The following CAND1 variants were observed in gnomAD, a reference collection of about 807,000 sequenced individuals.
CAND1 encodes cullin associated and neddylation dissociated 1, also known as cullin-associated NEDD8-dissociated protein 1.
CAND1 carries 7 observed loss-of-function variants against 108.5 expected under a neutral mutation model. The ratio of observed to expected loss-of-function variants is 0.06; its 90% CI spans 0.04 to 0.12. The LOEUF (loss-of-function observed/expected upper bound fraction) is 0.12. Among genes scored for constraint, CAND1 ranks in the 10% least tolerant of loss-of-function variants. CAND1 has a pLI of 1.00. For synonymous variants in CAND1, 534 were observed against 512.0 expected, an observed-to-expected ratio of 1.04 and a Z score of -0.58; for missense variants, 941 against 1,448.7, an observed-to-expected ratio of 0.65 and a Z score of 5.69.
intron 7 of CAND1, 76 bp from the exon 8 acceptor site, chr12:67,302,247 A>C: frequency 2.9e-5 from 37 of 1,291,544 alleles, no homozygotes; most frequent in Non-Finnish European, 3.7e-5. Context: ...GGTTAAGAAT[A>C]TCAATTGATT....
chr12:67,294,398 T>G (rs1262091906), intron 3 of CAND1, among the ~76,000 whole-genome samples: 2 of 152,202 alleles, frequency 1.3e-5, no homozygotes, highest in Non-Finnish European at 2.9e-5. Context: ...GCTGATTTTT[T>G]TTTTTAAAGA....
At chr12:67,295,848 G>T (rs779060487) in intron 4 of CAND1, among the ~76,000 whole-genome samples, 4 of 152,112 alleles carry the variant, frequency 2.6e-5, no homozygotes, top group African/African-American at 9.7e-5. Flanking sequence ...CTTTACGATA[G>T]GACATAAGAA....
chr12:67,285,538 T>TC (rs1018597885), intron 2 of CAND1, among the ~76,000 whole-genome samples: 7 of 152,126 alleles, frequency 4.6e-5, no homozygotes, highest in Non-Finnish European at 1.5e-5. Flanking sequence ...ATATTATGTC[T>TC]CTATAATCAA....
At chr12:67,307,277 T>C (rs1437055153) in intron 10 of CAND1, 120 bp from the exon 11 acceptor site, 13 of 700,244 alleles carry the variant, frequency 1.9e-5, no homozygotes, top group Non-Finnish European at 3.0e-5. Context: ...AATACCCTTC[T>C]TGGCCAAGGA....
chr12:67,314,561 T>G lies in CAND1; in HGVS notation c.*1731T>G, dbSNP rs1431110654. ...TGTGGTATAGATGTTGTGGATATAT[T>G]TAAGTATTTGGTTACATGGTTTTAC... On this transcript the variant is annotated 3_prime_UTR_variant, in exon 15 of 15. Coordinates refer to ENST00000545606, the MANE Select transcript of CAND1 (RefSeq NM_018448.5). 6.6e-6 allele frequency: 1 copy of G among 152,214 alleles called. No individual in the cohort carries two copies. Among genetic ancestry groups the G allele is most frequent in the Non-Finnish European group, 1.5e-5 (1 of 68,036 alleles). The allele number at this position is 152,214 out of a possible 1,614,324, so 9.4% of individuals were successfully genotyped here. A position where few individuals can be genotyped will look rare whatever the true frequency, so the allele number is the denominator to read the frequency against.
In CAND1 at chr12:67,314,031, T is replaced by G. The variant is rs977509007; in HGVS notation, c.*1201T>G. ...CAGTACCTTATATTGTAGTTAAAAT[T>G]TTATTTAACATATCCTTCAGTGAGC... On this transcript the variant is annotated 3_prime_UTR_variant, in exon 15 of 15. Coordinates refer to ENST00000545606, the MANE Select transcript of CAND1 (RefSeq NM_018448.5). 1 of 152,564 alleles carries G rather than the reference T, an allele frequency of 6.6e-6. No homozygotes were observed. The highest frequency in any genetic ancestry group is 2.4e-5 in the African/African-American group (1 of 41,446). 9.5% of individuals were successfully genotyped at this position (152,564 alleles called of 1,614,324 possible).
rs1049193871 is a variant in CAND1 at position 67,313,497 on chromosome 12, A to G, written c.*667A>G. 3 of 152,626 alleles carry G rather than the reference A, an allele frequency of 2.0e-5. No homozygotes were observed. Among genetic ancestry groups the G allele is most frequent in the African/African-American group, 4.8e-5 (2 of 41,464 alleles). 9.5% of individuals were successfully genotyped at this position (152,626 alleles called of 1,614,324 possible). A position where few individuals can be genotyped will look rare whatever the true frequency, so the allele number is the denominator to read the frequency against. On this transcript the variant is annotated 3_prime_UTR_variant, in exon 15 of 15. Coordinates refer to ENST00000545606, the MANE Select transcript of CAND1 (RefSeq NM_018448.5). ...GATTATTCATAATATAGAAGTTAAA[A>G]TAAGTATTAGTGCAATTTTCAGATA...
chr12:67,302,214 C>T lies in CAND1; in HGVS notation c.1001-109C>T, dbSNP rs541469351. 114 of 958,528 alleles carry T rather than the reference C, an allele frequency of 1.2e-4. No homozygotes were observed. The South Asian group carries it at 1.2e-3, about 10-fold the overall frequency. The allele number at this position is 958,528 out of a possible 1,614,324, so 59.4% of individuals were successfully genotyped here. On this transcript the variant is annotated intron_variant, in intron 7 of 14. Transcript: ENST00000545606. ...ACCTACCTGTTGCTGTATATGTTAC[C>T]GGAAAGTTAGATTAACTGATTTGGT...
chr12:67,273,704 T>C (rs555282099), intron 1 of CAND1, among the ~76,000 whole-genome samples: 31 of 152,156 alleles, frequency 2.0e-4, no homozygotes, highest in African/African-American at 6.5e-4. Context: ...CTCAAACTCT[T>C]GATTTCCGGC....
At chr12:67,277,083 T>C (rs1430682284) in intron 1 of CAND1, among the ~76,000 whole-genome samples, 5 of 152,220 alleles carry the variant, frequency 3.3e-5, no homozygotes, top group Admixed American at 3.3e-4. Flanking sequence ...TACCCAGTCT[T>C]GTGGTTTTCC....
At chr12:67,294,736 C>G (rs1024198720) in intron 3 of CAND1, among the ~76,000 whole-genome samples, 7 of 152,108 alleles carry the variant, frequency 4.6e-5, no homozygotes, top group Non-Finnish European at 1.0e-4. Flanking sequence ...TTGTTTATGT[C>G]CAGTAAGTTA....
chr12:67,279,047 A>C (rs1180428854), intron 1 of CAND1, among the ~76,000 whole-genome samples: 1 of 152,134 alleles, frequency 6.6e-6, no homozygotes, highest in African/African-American at 2.4e-5. Flanking sequence ...GTGTATGAGT[A>C]TATAACGCCA....
chr12:67,271,004 T>C (rs539679232), intron 1 of CAND1, among the ~76,000 whole-genome samples: 1 of 152,346 alleles, frequency 6.6e-6, no homozygotes, highest in African/African-American at 2.4e-5. Flanking sequence ...AGGAGAACCA[T>C]GAAAAAGTAG....
intron 4 of CAND1, chr12:67,297,139 A>G (rs115950773): frequency 3.7e-4 from 179 of 483,760 alleles, no homozygotes; most frequent in African/African-American, 3.3e-3. Flanking sequence ...TCCCAAGCCA[A>G]TCAATTAGAT....
At chr12:67,280,727 G>C (rs2044611819) in intron 1 of CAND1, among the ~76,000 whole-genome samples, 1 of 152,154 alleles carries the variant, frequency 6.6e-6, no homozygotes, top group African/African-American at 2.4e-5. Context: ...AAGAAAATCT[G>C]AGATGCCGTT....
chr12:67,305,493 C>T lies in CAND1; in HGVS notation c.1825C>T (p.Pro609Ser), dbSNP rs1310139425. 6 of 1,613,720 alleles carry T rather than the reference C, an allele frequency of 3.7e-6. 1 individual carries two copies. The South Asian group carries it at 6.6e-5, about 18-fold the overall frequency. ...TGGAGACAATTTGGGTTCTGACTTG[C>T]CTAATACACTTCAGATTTTCTTGGA... ...NLGDNLGSDLPNTLQIFLERL... is the reference protein window; with the variant it reads ...NLGDNLGSDLSNTLQIFLERL... The change falls in exon 10 of 15, where the codon CCT becomes TCT. Residue 609 changes from proline (P) to serine (S), a missense_variant. Coordinates refer to ENST00000545606, the MANE Select transcript of CAND1 (RefSeq NM_018448.5). The surrounding 1 kb of genome is among the most constrained non-coding windows in gnomAD (Gnocchi z 4.4).
chr12:67,314,567 A>G lies in CAND1; in HGVS notation c.*1737A>G, dbSNP rs1592629431. On this transcript the variant is annotated 3_prime_UTR_variant, in exon 15 of 15. Coordinates refer to ENST00000545606, the MANE Select transcript of CAND1 (RefSeq NM_018448.5). The stretch of plus-strand genomic sequence containing the variant: ...ATAGATGTTGTGGATATATTTAAGT[A>G]TTTGGTTACATGGTTTTACAATAAA... 2.0e-5 allele frequency: 3 copies of G among 152,332 alleles called. No homozygotes were observed. In the South Asian group the frequency reaches 6.2e-4, roughly 32 times the overall value. 9.4% of individuals were successfully genotyped at this position (152,332 alleles called of 1,614,324 possible).
At position 67,307,461 on chromosome 12, in the gene CAND1, A is replaced by G; in HGVS notation, c.2994A>G (p.Gln998=). The G allele has an allele frequency of 6.2e-7, 1 of 1,610,336 alleles. No individual in the cohort carries two copies. Among genetic ancestry groups the G allele is most frequent in the Non-Finnish European group, 8.5e-7 (1 of 1,177,812 alleles). The change falls in exon 11 of 15, where the codon CAA becomes CAG. Residue 998 remains glutamine, a synonymous_variant. Transcript: ENST00000545606. The part of the protein sequence containing the change: ...AVKFTISDHP[Q]PIDPLLKNCI... ...AATTTACAATTTCTGACCATCCACA[A>G]CCTATTGATCCACTGTTAAAGAACT... is the stretch of plus-strand genomic sequence containing the variant.
rs1239064279 is a variant in CAND1, at chr12:67,305,641, T to A, written c.1973T>A (p.Phe658Tyr). The A allele has an allele frequency of 6.2e-7, 1 of 1,614,132 alleles. No individual in the cohort carries two copies. Among genetic ancestry groups the A allele is most frequent in the Non-Finnish European group, 8.5e-7 (1 of 1,180,002 alleles). Residue 658 changes from phenylalanine to tyrosine, a missense_variant, in exon 10 of 15, where the codon TTT becomes TAT. By Grantham distance (22) the Phe-to-Tyr change is conservative. Around this residue, in one of 9 missense-constraint regions of CAND1, gnomAD observed 697 missense variants for 942.0 expected, o/e 0.74. Transcript: ENST00000545606. The surrounding 1 kb of genome is among the most constrained non-coding windows in gnomAD (Gnocchi z 4.4). ...LGEGVPILASFLRKNQRALKL... is the reference protein window; with the variant it reads ...LGEGVPILASYLRKNQRALKL... ...GAAGGGGTTCCTATCCTTGCTTCAT[T>A]TCTTAGAAAAAACCAGAGAGCTTTG...
Sources: allele counts gnomAD v4.1 joint callset (sites outside exome capture counted in the v4.1 genomes callset), GRCh38; gene constraint gnomAD v4.1.1; regional missense constraint gnomAD v4.1.1; non-coding constraint Gnocchi (gnomAD v3.1); transcripts MANE v1.5; gene names NCBI Gene and HGNC (gene_info 2026-07-23, HGNC 2026-07-21).